The following SIN3B variants were observed in gnomAD, a reference collection of about 807,000 sequenced individuals.
SIN3B encodes the protein SIN3 transcription regulator family member B.
In SIN3B, 19 loss-of-function variants were observed where a neutral mutation model predicts 120.2. That is an observed-to-expected ratio of 0.16 (90% CI 0.11 to 0.23). The LOEUF is 0.23. SIN3B is among the 10% of genes least tolerant of loss of function. The pLI, the probability that SIN3B is intolerant of heterozygous loss-of-function variation, is 1.00. For missense variants in SIN3B, 1,073 were observed against 1,573.0 expected (o/e 0.68, Z 5.38); for synonymous variants, 654 against 653.2 (o/e 1.00, Z -0.02).
At chr19:16,850,519 T>C (rs775052839) in intron 5 of SIN3B, among the ~76,000 whole-genome samples, 1 of 152,188 alleles carries the variant, frequency 6.6e-6, no homozygotes, top group Non-Finnish European at 1.5e-5. Flanking sequence ...CCATAGTATC[T>C]GATCGCTGCG....
intron 3 of SIN3B, among the ~76,000 whole-genome samples, chr19:16,841,349 A>G (rs1164094930): frequency 1.3e-5 from 2 of 152,134 alleles, no homozygotes; most frequent in African/African-American, 2.4e-5. Context: ...CTACCTTGGC[A>G]TCACTGCTGG....
chr19:16,851,634 C>T (rs1217190552), intron 6 of SIN3B, 100 bp downstream of exon 6: 6 of 1,427,742 alleles, frequency 4.2e-6, no homozygotes, highest in African/African-American at 1.5e-5. Flanking sequence ...AGCAGGGGTT[C>T]GGGGCTGGAC....
intron 17 of SIN3B, 75 bp downstream of exon 17, chr19:16,877,714 G>A (rs964324701): frequency 2.8e-6 from 3 of 1,057,060 alleles, no homozygotes; most frequent in Non-Finnish European, 4.3e-6. Flanking sequence ...CCTGACGGGG[G>A]CTGGACCATG....
chr19:16,878,893 T>C lies in SIN3B; in HGVS notation c.*166T>C. The stretch of plus-strand genomic sequence containing the variant: ...GACGCCGCCCCCGTGGCTCCCGGTC[T>C]CCTGTGGGCCTGCTGTGTGCCAAAC... On this transcript the variant is annotated 3_prime_UTR_variant, in exon 19 of 19. Transcript: ENST00000248054. 1 of 661,472 alleles carries C rather than the reference T, an allele frequency of 1.5e-6. No individual in the cohort carries two copies. Among genetic ancestry groups the C allele is most frequent in the Non-Finnish European group, 2.5e-6 (1 of 393,434 alleles). The allele number at this position is 661,472 out of a possible 1,614,324, so 41.0% of individuals were successfully genotyped here.
chr19:16,851,892 C>T (rs1971550994), intron 6 of SIN3B, among the ~76,000 whole-genome samples: 1 of 152,220 alleles, frequency 6.6e-6, no homozygotes, highest in Non-Finnish European at 1.5e-5. Context: ...CAGCTGAGGG[C>T]AGAGAGGGGC....
chr19:16,843,784 C>A (rs1482799185), intron 4 of SIN3B, among the ~76,000 whole-genome samples: 1 of 152,222 alleles, frequency 6.6e-6, no homozygotes, highest in African/African-American at 2.4e-5. Flanking sequence ...GTTGAGAATG[C>A]AGACACCTGG....
intron 3 of SIN3B, among the ~76,000 whole-genome samples, chr19:16,834,404 A>G: frequency 6.6e-6 from 1 of 152,204 alleles, no homozygotes; most frequent in East Asian, 1.9e-4. Context: ...GACAGGCGCC[A>G]CACTGGTTGT....
intron 12 of SIN3B, among the ~76,000 whole-genome samples, 185 bp from the exon 13 acceptor site, chr19:16,869,275 C>T (rs951987897): frequency 6.6e-6 from 1 of 152,160 alleles, no homozygotes; most frequent in African/African-American, 2.4e-5. Context: ...TGGGGCTGCA[C>T]AAGAGGTTGA....
rs199608444 is a variant in SIN3B at position 16,846,956 on chromosome 19, C to T, written c.583-14C>T. ...TGACTAACGACTTATTTTCCCTTTC[C>T]TGAAAACTGGCAGAAGGAGCAGCTG... On this transcript the variant is annotated splice_polypyrimidine_tract_variant and intron_variant, in intron 4 of 18. Transcript: ENST00000248054. 4.8e-5 allele frequency: 78 copies of T among 1,612,660 alleles called. No individual in the cohort carries two copies. The highest frequency in any genetic ancestry group is 6.3e-5 in the Non-Finnish European group (74 of 1,178,962).
At chr19:16,866,327 G>A in intron 11 of SIN3B, 46 bp from the exon 12 acceptor site, 1 of 1,564,500 alleles carries the variant, frequency 6.4e-7, no homozygotes, top group Non-Finnish European at 8.7e-7. Flanking sequence ...GCTTCAGGGA[G>A]GATGCCCTGG....
intron 8 of SIN3B, among the ~76,000 whole-genome samples, chr19:16,857,005 C>T (rs73010453): frequency 0.023 from 3,472 of 152,204 alleles, 59 homozygotes; most frequent in Middle Eastern, 0.037. Flanking sequence ...TAGCGTTCAC[C>T]CCAAGATAAC....
At chr19:16,856,214 G>A (rs558090736) in intron 8 of SIN3B, among the ~76,000 whole-genome samples, 38 of 152,254 alleles carry the variant, frequency 2.5e-4, no homozygotes, top group Admixed American at 4.6e-4. Context: ...GCGCACACTC[G>A]TATCCATTCT....
At chr19:16,839,248 G>GTGAGCCACTGCGCCTGGCC (rs1971387007) in intron 3 of SIN3B, among the ~76,000 whole-genome samples, 1 of 152,126 alleles carries the variant, frequency 6.6e-6, no homozygotes, top group Admixed American at 6.6e-5. Context: ...AATTACAGGT[G>GTGAGCCACTGCGCCTGGCC]TGAGCCACTG....
At chr19:16,864,771 G>C (rs1484519154) in intron 10 of SIN3B, among the ~76,000 whole-genome samples, 1 of 151,066 alleles carries the variant, frequency 6.6e-6, no homozygotes, top group East Asian at 2.0e-4. Flanking sequence ...TGGGAGGACT[G>C]CTTGAGGCCA....
rs770242845 is a variant in SIN3B, at chr19:16,851,433, G to A, written c.748G>A (p.Glu250Lys). Residue 250 changes from glutamate (E) to lysine (K), a missense_variant, in exon 6 of 19, where the codon GAG becomes AAG. Coordinates refer to ENST00000248054, the MANE Select transcript of SIN3B (RefSeq NM_001297595.2). The part of the protein sequence containing the change: ...RSLFTGNGPC[E>K]MHSVQKNEHD... ...TTAGTTCACAGGAAACGGGCCGTGC[G>A]AGATGCACAGCGTGCAGAAGAACGA... is the stretch of plus-strand genomic sequence containing the variant. 5.6e-6 allele frequency: 9 copies of A among 1,606,424 alleles called. No individual in the cohort carries two copies. The highest frequency in any genetic ancestry group is 2.7e-5 in the African/African-American group (2 of 74,742).
At position 16,831,696 on chromosome 19, in the gene SIN3B, C is replaced by T. The variant is rs756348729; in HGVS notation, c.381+49C>T. The stretch of plus-strand genomic sequence containing the variant: ...TGATCTCAGCCTTCACCGAGTATGT[C>T]TTGCTACTCAGGTTGGGCCACGTGT... On this transcript the variant is annotated intron_variant, in intron 3 of 18. Coordinates refer to ENST00000248054, the MANE Select transcript of SIN3B (RefSeq NM_001297595.2). 9 of 1,584,932 alleles carry T rather than the reference C, an allele frequency of 5.7e-6. No homozygotes were observed. The African/African-American group carries it at 8.1e-5, about 14-fold the overall frequency.
At chr19:16,830,526 T>C (rs1006122216) in intron 2 of SIN3B, among the ~76,000 whole-genome samples, 4 of 152,132 alleles carry the variant, frequency 2.6e-5, no homozygotes, top group Admixed American at 1.3e-4. Context: ...TTGGAGTGGG[T>C]AAGGGACCCA....
At chr19:16,851,608 A>G (rs895794036) in intron 6 of SIN3B, 74 bp downstream of exon 6, 12 of 1,488,418 alleles carry the variant, frequency 8.1e-6, no homozygotes, top group African/African-American at 1.4e-5. Context: ...GCATGTGACC[A>G]GGGAACAGAG....
intron 14 of SIN3B, among the ~76,000 whole-genome samples, chr19:16,875,258 TC>T (rs2051577046): frequency 2.0e-5 from 3 of 147,010 alleles, no homozygotes; most frequent in African/African-American, 7.6e-5. Flanking sequence ...TCTGGTCTGG[TC>T]TGGTTTTGGT....
Sources: gnomAD v4.1 joint callset for allele counts (sites outside exome capture counted in the v4.1 genomes callset) on GRCh38, gnomAD v4.1.1 for gene constraint, MANE v1.5 for transcripts, NCBI Gene and HGNC (gene_info 2026-07-23, HGNC 2026-07-21) for gene names.